DNMT3A: variants seen among roughly 807,000 people sequenced by gnomAD.
The protein encoded by DNMT3A is DNA (cytosine-5)-methyltransferase 3A.
In DNMT3A, 267 loss-of-function variants were observed where a neutral mutation model predicts 117.6. The observed-to-expected ratio is 2.27, with a 90% CI of 2.05 to 2.51. The LOEUF (loss-of-function observed/expected upper bound fraction) is 2.51, where lower values mean the gene tolerates loss of function less well. Ranked by LOEUF, DNMT3A falls within the 30% of genes most tolerant of loss-of-function variation. DNMT3A has a pLI of 0.00. For synonymous variants in DNMT3A, 432 were observed against 474.8 expected, an observed-to-expected ratio of 0.91 and a Z score of 1.17; for missense variants, 1,029 against 1,260.2, an observed-to-expected ratio of 0.82 and a Z score of 2.78.
At chr2:25,318,027 G>A (rs1865690) in intron 1 of DNMT3A, among the ~76,000 whole-genome samples, 75,185 of 152,052 alleles carry the variant, frequency 0.49, 19,408 homozygotes, top group Non-Finnish European at 0.57. Flanking sequence ...GAGCCACCGC[G>A]CCGGCCGGGA....
chr2:25,265,677 G>T (rs2030265576), intron 6 of DNMT3A, among the ~76,000 whole-genome samples: 2 of 152,038 alleles, frequency 1.3e-5, no homozygotes, highest in African/African-American at 4.8e-5. Context: ...AAATTAGCCG[G>T]GTGTGGTGGC....
Position 25,294,377 on chromosome 2 carries a change from T to C in DNMT3A, c.177+5762A>G, listed in dbSNP as rs1192792992. 6.6e-6 allele frequency among the ~76,000 whole-genome samples: 1 copy of C among 152,108 alleles called. No homozygotes were observed. The highest frequency in any genetic ancestry group is 2.4e-5 in the African/African-American group (1 of 41,426). On this transcript the variant is annotated intron_variant, in intron 3 of 22. Coordinates refer to ENST00000321117, the MANE Select transcript of DNMT3A (RefSeq NM_022552.5). This position sits in a 1 kb window ranked among gnomAD's most constrained non-coding sequence, Gnocchi z 4.7. The stretch of plus-strand genomic sequence containing the variant: ...CTCACAAGCAGTGTGTCGGCCTGTC[T>C]TCCTCATGCCTTCCAAAACATGAGG...
At chr2:25,238,372 T>G (rs1051339021) in intron 20 of DNMT3A, among the ~76,000 whole-genome samples, 4 of 152,116 alleles carry the variant, frequency 2.6e-5, no homozygotes, top group Non-Finnish European at 4.4e-5. Context: ...CCAGGTGAAA[T>G]GATGTCTCCT....
chr2:25,326,101 G>GAT (rs1171930581), intron 1 of DNMT3A, among the ~76,000 whole-genome samples: 50 of 110,316 alleles, frequency 4.5e-4, no homozygotes, highest in African/African-American at 1.5e-3. Flanking sequence ...CTATTAACTT[G>GAT]ATATATATGT....
At chr2:25,270,437 G>A (rs1341617490) in intron 6 of DNMT3A, among the ~76,000 whole-genome samples, 1 of 152,168 alleles carries the variant, frequency 6.6e-6, no homozygotes, top group Admixed American at 6.5e-5. Flanking sequence ...AGCTGTGGAG[G>A]CTTCTGGAAA....
At position 25,239,215 on chromosome 2, in the gene DNMT3A, A is replaced by G. The variant is rs74708853; in HGVS notation, c.2323T>C (p.Ser775Pro). Residue 775 changes from serine to proline, a missense_variant and splice_region_variant, in exon 20 of 23, where the codon TCC (serine) becomes CCC (proline). Ser to Pro is a moderately conservative substitution (Grantham distance 74). Transcript: ENST00000321117. ...DKRDISRFLESNPVMIDAKEV... is the reference protein window; with the variant it reads ...DKRDISRFLEPNPVMIDAKEV... ...TTGGCATCAATCATCACAGGGTTGG[A>G]CTACAAAACAGGAGACGGTTTGAAG... The G allele has an allele frequency of 1.9e-6, 3 of 1,613,804 alleles. No individual in the cohort carries two copies. Among genetic ancestry groups the G allele is most frequent in the Non-Finnish European group, 1.7e-6 (2 of 1,179,808 alleles).
In DNMT3A at chr2:25,231,608, CT is replaced by C. The variant is rs1353924337; in HGVS notation, c.*2670del. The C allele has an allele frequency of 6.6e-6, 1 of 152,246 alleles. No individual in the cohort carries two copies. The highest frequency in any genetic ancestry group is 1.5e-5 in the Non-Finnish European group (1 of 68,064). 9.4% of individuals were successfully genotyped at this position (152,246 alleles called of 1,614,324 possible). On this transcript the variant is annotated 3_prime_UTR_variant, in exon 23 of 23. Coordinates refer to ENST00000321117, the MANE Select transcript of DNMT3A (RefSeq NM_022552.5). The stretch of plus-strand genomic sequence containing the variant: ...ATTTTTTTTCCCCAATGGAAGCCCC[CT>C]GGCCAAGACAGACCTGGATGTCAAT...
rs1445622379 is a variant in DNMT3A at position 25,293,878 on chromosome 2, C to G, written c.177+6261G>C. Among the ~76,000 whole-genome samples, 1 of 152,170 alleles carries G rather than the reference C, an allele frequency of 6.6e-6. No homozygotes were observed. The highest frequency in any genetic ancestry group is 2.1e-4 in the South Asian group (1 of 4,824). ...TAGAGATGGGGTTTTGCCATGTTGG[C>G]CAGGCTGGTCTCGAATTCCTGGCCT... On this transcript the variant is annotated intron_variant, in intron 3 of 22. Transcript: ENST00000321117. The surrounding 1 kb of genome is among the most constrained non-coding windows in gnomAD (Gnocchi z 4.7).
intron 1 of DNMT3A, among the ~76,000 whole-genome samples, chr2:25,321,859 C>G (rs1441644385): frequency 2.6e-5 from 4 of 152,200 alleles, no homozygotes; most frequent in Admixed American, 2.0e-4. Context: ...ACACTCCAGC[C>G]TGGGCAAAGA....
chr2:25,322,945 C>T (rs951797212), intron 1 of DNMT3A, among the ~76,000 whole-genome samples: 2 of 151,970 alleles, frequency 1.3e-5, no homozygotes, highest in Non-Finnish European at 2.9e-5. Flanking sequence ...ATTTCTGTAG[C>T]AGGTCCTTCT....
At chr2:25,266,004 G>A (rs766438063) in intron 6 of DNMT3A, among the ~76,000 whole-genome samples, 9 of 152,108 alleles carry the variant, frequency 5.9e-5, no homozygotes, top group Non-Finnish European at 1.2e-4. Context: ...ACCCCACCCT[G>A]CCTCTTTTTT....
At chr2:25,267,849 A>T (rs879700984) in intron 6 of DNMT3A, among the ~76,000 whole-genome samples, 1 of 152,168 alleles carries the variant, frequency 6.6e-6, no homozygotes, top group African/African-American at 2.4e-5. Context: ...TTAAATGCAG[A>T]AATGGGTAGA....
chr2:25,282,087 G>A lies in DNMT3A; in HGVS notation c.448+354C>T. On this transcript the variant is annotated intron_variant, in intron 4 of 22. Coordinates refer to ENST00000321117, the MANE Select transcript of DNMT3A (RefSeq NM_022552.5). The surrounding 1 kb of genome is among the most constrained non-coding windows in gnomAD (Gnocchi z 5.2). The stretch of plus-strand genomic sequence containing the variant: ...CCACAACCAGCCACAGAAGGCGATG[G>A]AGGGACCGCCATTATCCCAGTCTAG... The A allele has an allele frequency of 8.8e-7, 1 of 1,138,894 alleles. No homozygotes were observed. Among genetic ancestry groups the A allele is most frequent in the Non-Finnish European group, 1.1e-6 (1 of 900,346 alleles). 70.5% of individuals were successfully genotyped at this position (1,138,894 alleles called of 1,614,324 possible).
intron 3 of DNMT3A, among the ~76,000 whole-genome samples, chr2:25,289,197 G>A (rs543294880): frequency 3.9e-4 from 59 of 151,830 alleles, no homozygotes; most frequent in Middle Eastern, 6.8e-3. Context: ...CCACCTCCCG[G>A]ATTCAAGCGA....
In DNMT3A at chr2:25,243,900, G is replaced by A. The variant is rs1387749234; in HGVS notation, c.1934C>T (p.Thr645Ile). 1 of 1,551,944 alleles carries A rather than the reference G, an allele frequency of 6.4e-7. No homozygotes were observed. Among genetic ancestry groups the A allele is most frequent in the East Asian group, 2.4e-5 (1 of 41,046 alleles). The part of the protein sequence containing the change: ...RVLSLFDGIA[T>I]GLLVLKDLGI... The stretch of plus-strand genomic sequence containing the variant: ...CCTCTTGGGCCTGCACCCCTCACCT[G>A]TAGCGATTCCATCAAAGAGAGACAG... Residue 645 changes from threonine to isoleucine, a missense_variant and splice_region_variant, in exon 16 of 23, where the codon ACA becomes ATA. Transcript: ENST00000321117.
At chr2:25,277,055 G>A (rs1185727905) in intron 4 of DNMT3A, among the ~76,000 whole-genome samples, 2 of 152,164 alleles carry the variant, frequency 1.3e-5, no homozygotes, top group Admixed American at 6.5e-5. Flanking sequence ...AGCACCAGGG[G>A]GAGGGAGGCA....
In DNMT3A at chr2:25,282,699, C is replaced by A; in HGVS notation, c.190G>T (p.Asp64Tyr). 1 of 1,526,552 alleles carries A rather than the reference C, an allele frequency of 6.6e-7. No homozygotes were observed. Among genetic ancestry groups the A allele is most frequent in the South Asian group, 1.3e-5 (1 of 77,962 alleles). The allele number at this position is 1,526,552 out of a possible 1,614,324, so 94.6% of individuals were successfully genotyped here. A position where few individuals can be genotyped will look rare whatever the true frequency, so the allele number is the denominator to read the frequency against. Reference protein sequence around the residue: ...KRKHPPVESGDTPKDPAVISK... With the variant: ...KRKHPPVESGYTPKDPAVISK... Reference sequence around the variant, plus strand: ...ATCACCGCAGGGTCCTTTGGCGTGTCACCGCTTTCCACCTGCAAATGTAAG... The same window carrying A: ...ATCACCGCAGGGTCCTTTGGCGTGTAACCGCTTTCCACCTGCAAATGTAAG... The change falls in exon 4 of 23, where the codon GAC (aspartate) becomes TAC (tyrosine). Residue 64 changes from aspartate (D) to tyrosine (Y), a missense_variant. Transcript: ENST00000321117. The surrounding 1 kb of genome is among the most constrained non-coding windows in gnomAD (Gnocchi z 5.2).
Position 25,252,231 on chromosome 2 carries a change from A to C in DNMT3A, c.640-3979T>G. The C allele has an allele frequency of 4.9e-6, 7 of 1,429,358 alleles. No homozygotes were observed. The highest frequency in any genetic ancestry group is 6.5e-6 in the Non-Finnish European group (7 of 1,076,554). The allele number at this position is 1,429,358 out of a possible 1,614,324, so 88.5% of individuals were successfully genotyped here. On this transcript the variant is annotated intron_variant, in intron 6 of 22. Coordinates refer to ENST00000321117, the MANE Select transcript of DNMT3A (RefSeq NM_022552.5). The surrounding 1 kb of genome is among the most constrained non-coding windows in gnomAD (Gnocchi z 5.5). ...GTGCAGCCCCTCTGCAGTCGCGCTC[A>C]GGTGTGAGCCGCGGCCCTGAAGCTC...
rs1675021742 is a variant in DNMT3A at position 25,247,906 on chromosome 2, G to A, written c.855+131C>T. The A allele has an allele frequency of 7.9e-6, 12 of 1,510,148 alleles. No individual in the cohort carries two copies. The highest frequency in any genetic ancestry group is 2.4e-5 in the South Asian group (2 of 83,826). 93.5% of individuals were successfully genotyped at this position (1,510,148 alleles called of 1,614,324 possible). On this transcript the variant is annotated intron_variant, in intron 7 of 22. Transcript: ENST00000321117. This position sits in a 1 kb window ranked among gnomAD's most constrained non-coding sequence, Gnocchi z 5.6. ...CAAGACAGAGCAAAATCGGGGAGAC[G>A]AAGAGGCCCGGGGTCAGGTGGAGAG...
Sources: allele counts gnomAD v4.1 joint callset (sites outside exome capture counted in the v4.1 genomes callset), GRCh38; gene constraint gnomAD v4.1.1; non-coding constraint Gnocchi (gnomAD v3.1); transcripts MANE v1.5; gene names NCBI Gene and HGNC (gene_info 2026-07-23, HGNC 2026-07-21).